Variants in CUX1 observed in about 807,000 individuals in gnomAD.
The protein encoded by CUX1 is protein CASP.
A neutral mutation model predicts 158.8 loss-of-function variants in CUX1; 31 were observed. The ratio of observed to expected loss-of-function variants is 0.20; its 90% CI spans 0.15 to 0.26. CUX1 has a LOEUF of 0.26. CUX1 is among the 10% of genes least tolerant of loss of function. The probability of loss-of-function intolerance (pLI) is 1.00; values close to 1 mark genes in which losing one functional copy is unlikely to be tolerated. For missense variants in CUX1, 1,589 were observed against 2,014.6 expected (o/e 0.79, Z 4.04); for synonymous variants, 879 against 862.1 (o/e 1.02, Z -0.34).
intron 4 of CUX1, among the ~76,000 whole-genome samples, chr7:102,078,518 C>T (rs1230936203): frequency 1.6e-4 from 24 of 152,140 alleles, no homozygotes; most frequent in African/African-American, 4.3e-4. Context: ...CTATCAGAAC[C>T]GTATTTTACT....
intron 6 of CUX1, among the ~76,000 whole-genome samples, chr7:102,108,370 G>C (rs1830578306): frequency 6.6e-6 from 1 of 152,150 alleles, no homozygotes; most frequent in Admixed American, 6.5e-5. Context: ...TTTTGAGACA[G>C]AGTCTTGCTC....
At chr7:101,912,818 TGGA>T (rs1803650881) in intron 1 of CUX1, among the ~76,000 whole-genome samples, 1 of 152,204 alleles carries the variant, frequency 6.6e-6, no homozygotes, top group South Asian at 2.1e-4. Flanking sequence ...TTGCTGGGCA[TGGA>T]GGAGGTTGGG....
At chr7:101,851,269 A>G (rs1796235661) in intron 1 of CUX1, among the ~76,000 whole-genome samples, 1 of 152,118 alleles carries the variant, frequency 6.6e-6, no homozygotes, top group African/African-American at 2.4e-5. Flanking sequence ...CTCCAGCAAC[A>G]TAGATCTCTT....
intron 4 of CUX1, among the ~76,000 whole-genome samples, chr7:102,094,797 T>G (rs905292464): frequency 1.3e-5 from 2 of 152,196 alleles, no homozygotes; most frequent in Admixed American, 1.3e-4. Context: ...CAAAGGAGGC[T>G]GTGAACGGGC....
At chr7:102,214,381 G>A (rs1405943753) in intron 20 of CUX1, among the ~76,000 whole-genome samples, 12 of 152,136 alleles carry the variant, frequency 7.9e-5, no homozygotes, top group African/African-American at 2.4e-4. Flanking sequence ...AAATTTAGCC[G>A]AGCATGGTGG....
intron 1 of CUX1, among the ~76,000 whole-genome samples, chr7:101,892,079 T>C (rs1352985498): frequency 6.6e-6 from 1 of 152,226 alleles, no homozygotes; most frequent in African/African-American, 2.4e-5. Context: ...ATGAATCAGA[T>C]CTAGGAGCAT....
chr7:102,264,163 G>A (rs1395712804), intron 14 of CUX1, among the ~76,000 whole-genome samples: 4 of 150,836 alleles, frequency 2.7e-5, no homozygotes, highest in East Asian at 1.9e-4. Flanking sequence ...CCACCACCGC[G>A]CCCGGCTAAT....
intron 5 of CUX1, among the ~76,000 whole-genome samples, chr7:102,103,474 A>G (rs1830005764): frequency 6.6e-6 from 1 of 151,560 alleles, no homozygotes; most frequent in Non-Finnish European, 1.5e-5. Flanking sequence ...TCTGTCACCC[A>G]GGTTGGAGTA....
At chr7:101,865,481 A>C (rs1797849963) in intron 1 of CUX1, among the ~76,000 whole-genome samples, 1 of 152,162 alleles carries the variant, frequency 6.6e-6, no homozygotes, top group Admixed American at 6.6e-5. Flanking sequence ...CACTGTGTGG[A>C]GTTATCATGT....
At chr7:102,144,965 G>A (rs1834868366) in intron 8 of CUX1, among the ~76,000 whole-genome samples, 1 of 151,504 alleles carries the variant, frequency 6.6e-6, no homozygotes, top group Non-Finnish European at 1.5e-5. Flanking sequence ...GCACACACCT[G>A]TAGTCCCAGC....
rs921990979 is a variant in CUX1, at chr7:101,869,064, C to T, written c.31-47051C>T. Among the ~76,000 whole-genome samples, 9 of 133,046 alleles carry T rather than the reference C, an allele frequency of 6.8e-5. No homozygotes were observed. The highest frequency in any genetic ancestry group is 4.4e-4 in the Admixed American group (5 of 11,478). The allele number at this position is 133,046 out of a possible 152,430, so 87.3% of individuals were successfully genotyped here. A position where few individuals can be genotyped will look rare whatever the true frequency, so the allele number is the denominator to read the frequency against. On this transcript the variant is annotated intron_variant, in intron 1 of 23. Transcript: ENST00000292535. This position sits in a 1 kb window ranked among gnomAD's most constrained non-coding sequence, Gnocchi z 4.5. ...GCTGGGGTGGAGACTTCCTGGCTTCCGAGGGCGGGCGAGGGGGCAAAGGGC... is the reference window on the plus strand; with the variant it reads ...GCTGGGGTGGAGACTTCCTGGCTTCTGAGGGCGGGCGAGGGGGCAAAGGGC...
chr7:102,229,744 A>G (rs1246177456), intron 21 of CUX1, among the ~76,000 whole-genome samples: 1 of 151,212 alleles, frequency 6.6e-6, no homozygotes. Context: ...CAGCCTCCCA[A>G]GTAGCTGGGA....
In CUX1 at chr7:102,250,609, CGTGGA is replaced by C; in HGVS notation, c.*1568_*1572del. ...GAAATGGCCCAAACTCACACCAAAA[CGTGGA>C]TGCTCTTCAACTTCCAAACCTACCA... On this transcript the variant is annotated 3_prime_UTR_variant, in exon 24 of 24. Transcript: ENST00000292535. 1 of 985,448 alleles carries C rather than the reference CGTGGA, an allele frequency of 1.0e-6. No individual in the cohort carries two copies. The highest frequency in any genetic ancestry group is 1.2e-6 in the Non-Finnish European group (1 of 829,944). The allele number at this position is 985,448 out of a possible 1,614,324, so 61.0% of individuals were successfully genotyped here.
intron 1 of CUX1, among the ~76,000 whole-genome samples, chr7:101,829,086 G>T (rs1381470508): frequency 6.6e-6 from 1 of 152,116 alleles, no homozygotes; most frequent in East Asian, 1.9e-4. Flanking sequence ...AGCCCGGGGA[G>T]GATTTTGTTG....
At position 102,250,349 on chromosome 7, in the gene CUX1, C is replaced by T; in HGVS notation, c.*1307C>T. Reference sequence around the variant, plus strand: ...AGTAGATAGCAGTCTACGGATCTCTCTCTGGCACAGAAGGCACCTCACCTC... The same window carrying T: ...AGTAGATAGCAGTCTACGGATCTCTTTCTGGCACAGAAGGCACCTCACCTC... On this transcript the variant is annotated 3_prime_UTR_variant, in exon 24 of 24. Coordinates refer to ENST00000292535, the MANE Select transcript of CUX1 (RefSeq NM_181552.4). 1.0e-6 allele frequency: 1 copy of T among 985,542 alleles called. No homozygotes were observed. The highest frequency in any genetic ancestry group is 1.2e-6 in the Non-Finnish European group (1 of 830,010). The allele number at this position is 985,542 out of a possible 1,614,324, so 61.0% of individuals were successfully genotyped here.
At chr7:102,198,979 T>C in intron 16 of CUX1, 112 bp downstream of exon 16, 1 of 956,536 alleles carries the variant, frequency 1.0e-6, no homozygotes, top group Non-Finnish European at 1.7e-6. Context: ...TGGAACCTGA[T>C]GGAAAAACAG....
chr7:101,895,391 A>G (rs1037858940), intron 1 of CUX1, among the ~76,000 whole-genome samples: 6 of 152,146 alleles, frequency 3.9e-5, no homozygotes, highest in Non-Finnish European at 7.4e-5. Flanking sequence ...CCATTGGGAA[A>G]CCAATGGTCT....
intron 2 of CUX1, among the ~76,000 whole-genome samples, chr7:101,938,143 C>T (rs1325206406): frequency 6.7e-6 from 1 of 149,664 alleles, no homozygotes; most frequent in Non-Finnish European, 1.5e-5. Context: ...GAGACAGTCT[C>T]ACTCTGTCAC....
chr7:102,267,525 T>C (rs1279029013), intron 14 of CUX1, among the ~76,000 whole-genome samples: 4 of 151,960 alleles, frequency 2.6e-5, no homozygotes, highest in Non-Finnish European at 4.4e-5. Context: ...CGAGTGAAAC[T>C]CCGTCTCAAA....
Sources: allele counts gnomAD v4.1 joint callset (sites outside exome capture counted in the v4.1 genomes callset), GRCh38; gene constraint gnomAD v4.1.1; non-coding constraint Gnocchi (gnomAD v3.1); transcripts MANE v1.5; gene names NCBI Gene and HGNC (gene_info 2026-07-23, HGNC 2026-07-21).